The following NT5DC3 variants were observed in gnomAD, a reference collection of about 807,000 sequenced individuals.
NT5DC3 encodes the protein 5'-nucleotidase domain containing 3.
NT5DC3 carries 42 observed loss-of-function variants against 67.8 expected under a neutral mutation model. The observed-to-expected ratio is 0.62, with a 90% CI of 0.48 to 0.80. The LOEUF (loss-of-function observed/expected upper bound fraction) is 0.80, where lower values mean the gene tolerates loss of function less well. NT5DC3 is among the 30% of genes least tolerant of loss of function. The pLI is 0.00. For missense variants in NT5DC3, 570 were observed against 696.4 expected (o/e 0.82, Z 2.04); for synonymous variants, 237 against 255.6 (o/e 0.93, Z 0.69).
intron 1 of NT5DC3, among the ~76,000 whole-genome samples, chr12:103,835,044 CCT>C (rs1888087811): frequency 1.3e-5 from 2 of 152,116 alleles, no homozygotes; most frequent in Admixed American, 1.3e-4. Flanking sequence ...GCTTGCCTCC[CCT>C]GAGGTAGAAT....
At chr12:103,813,986 TC>T (rs1180831487) in intron 2 of NT5DC3, among the ~76,000 whole-genome samples, 1 of 152,168 alleles carries the variant, frequency 6.6e-6, no homozygotes, top group Non-Finnish European at 1.5e-5. Flanking sequence ...CTTCTTTGCT[TC>T]CCCAATTCCC....
Position 103,775,475 on chromosome 12 carries a change from T to A in NT5DC3, c.*2354A>T, listed in dbSNP as rs551929242. On this transcript the variant is annotated 3_prime_UTR_variant, in exon 14 of 14. Coordinates refer to ENST00000392876, the MANE Select transcript of NT5DC3 (RefSeq NM_001031701.3). ...TTAGATAAAAACCAAGAATTATTTT[T>A]AAGCAACACCTACTTCCTGAATCTG... 6.6e-6 allele frequency: 1 copy of A among 152,324 alleles called. No individual in the cohort carries two copies. Among genetic ancestry groups the A allele is most frequent in the Admixed American group, 6.5e-5 (1 of 15,298 alleles). The allele number at this position is 152,324 out of a possible 1,614,324, so 9.4% of individuals were successfully genotyped here. A position where few individuals can be genotyped will look rare whatever the true frequency, so the allele number is the denominator to read the frequency against.
intron 1 of NT5DC3, among the ~76,000 whole-genome samples, chr12:103,820,594 A>G (rs1887451427): frequency 6.6e-6 from 1 of 152,184 alleles, no homozygotes; most frequent in African/African-American, 2.4e-5. Context: ...CCCTTAGTAC[A>G]GGCCTAGAGC....
intron 9 of NT5DC3, among the ~76,000 whole-genome samples, chr12:103,790,906 G>T (rs995121931): frequency 3.4e-5 from 5 of 146,390 alleles, no homozygotes; most frequent in African/African-American, 1.3e-4. Flanking sequence ...AGCCAGGATG[G>T]TCTCCATCTC....
chr12:103,780,414 C>T (rs1866292), intron 12 of NT5DC3, 50 bp from the exon 13 acceptor site: 415,107 of 1,551,258 alleles, frequency 0.27, 59,042 homozygotes, highest in South Asian at 0.45. Context: ...CAAATAAGCT[C>T]ATTACGTAAT....
intron 1 of NT5DC3, among the ~76,000 whole-genome samples, chr12:103,837,024 C>T (rs561838342): frequency 5.3e-5 from 8 of 152,344 alleles, no homozygotes; most frequent in Non-Finnish European, 7.3e-5. Context: ...ATGAGGGCCC[C>T]GTCTCTGCAG....
At chr12:103,823,456 C>T (rs768552419) in intron 1 of NT5DC3, among the ~76,000 whole-genome samples, 6 of 152,154 alleles carry the variant, frequency 3.9e-5, no homozygotes, top group Admixed American at 3.3e-4. Context: ...CTCGAGGTCA[C>T]ATTTTAAATA....
At chr12:103,821,215 G>C (rs1411893219) in intron 1 of NT5DC3, among the ~76,000 whole-genome samples, 1 of 152,258 alleles carries the variant, frequency 6.6e-6, no homozygotes, top group Non-Finnish European at 1.5e-5. Flanking sequence ...CTCTGCAAGA[G>C]TGAGAAATAG....
chr12:103,780,717 T>C (rs1158014393), intron 12 of NT5DC3, among the ~76,000 whole-genome samples: 1 of 152,228 alleles, frequency 6.6e-6, no homozygotes, highest in Non-Finnish European at 1.5e-5. Context: ...GATACATCCA[T>C]TACACATATA....
downstream of NT5DC3, among the ~76,000 whole-genome samples, chr12:103,768,576 G>A (rs60646320): frequency 0.047 from 7 of 148 alleles, 1 homozygote; most frequent in South Asian, 0.17. Flanking sequence ...AGAGAGGGAG[G>A]GGGAGGGGGA....
At chr12:103,834,684 AAAAT>A (rs1468000923) in intron 1 of NT5DC3, among the ~76,000 whole-genome samples, 1 of 152,232 alleles carries the variant, frequency 6.6e-6, no homozygotes, top group Non-Finnish European at 1.5e-5. Context: ...GCTGATCTAA[AAAAT>A]AAAGTTTTTA....
At chr12:103,756,557 T>C in the NT5DC3 span, among the ~76,000 whole-genome samples, 2 of 152,314 alleles carry the variant, frequency 1.3e-5, no homozygotes, top group East Asian at 3.9e-4. Flanking sequence ...ATGAAGAAAC[T>C]GAGGCTTAGC....
Position 103,777,779 on chromosome 12 carries a change from T to C in NT5DC3, c.*50A>G. 1 of 1,564,046 alleles carries C rather than the reference T, an allele frequency of 6.4e-7. No homozygotes were observed. Among genetic ancestry groups the C allele is most frequent in the Non-Finnish European group, 8.6e-7 (1 of 1,157,574 alleles). On this transcript the variant is annotated 3_prime_UTR_variant, in exon 14 of 14. Coordinates refer to ENST00000392876, the MANE Select transcript of NT5DC3 (RefSeq NM_001031701.3). ...TCAGACCCACATGAAGTCAACCCCA[T>C]CATGCCTGCCCAATCAGGGGCAGTT...
At chr12:103,750,771 G>A in the NT5DC3 span, 2 of 1,562,696 alleles carry the variant, frequency 1.3e-6, no homozygotes, top group Middle Eastern at 1.7e-4. Context: ...TTCAGGCCTG[G>A]GGAAGGGACC....
At chr12:103,822,655 T>C (rs185679751) in intron 1 of NT5DC3, among the ~76,000 whole-genome samples, 64 of 152,324 alleles carry the variant, frequency 4.2e-4, no homozygotes, top group African/African-American at 1.4e-3. Context: ...GGGTGTTCTA[T>C]TCTTGTTTTG....
chr12:103,757,220 C>A, the NT5DC3 span, among the ~76,000 whole-genome samples: 1 of 151,714 alleles, frequency 6.6e-6, no homozygotes, highest in African/African-American at 2.4e-5. Flanking sequence ...TCCAGAGCAG[C>A]TGGGACTACA....
At chr12:103,760,194 G>A in the NT5DC3 span, among the ~76,000 whole-genome samples, 1 of 152,182 alleles carries the variant, frequency 6.6e-6, no homozygotes, top group East Asian at 1.9e-4. Context: ...AACCCTTCCT[G>A]CAACTGCCGT....
Position 103,778,036 on chromosome 12 carries a change from G to A in NT5DC3, c.1440C>T (p.Phe480=). 1 of 1,614,120 alleles carries A rather than the reference G, an allele frequency of 6.2e-7. No homozygotes were observed. Among genetic ancestry groups the A allele is most frequent in the Non-Finnish European group, 8.5e-7 (1 of 1,180,008 alleles). ...SFFNAQFGSL[F]RTDQNPTYFL... ...AGTAGGTTGGGTTCTGGTCTGTGCGGAACAGGCTTCCAAACTGGGCATTGA... is the reference window on the plus strand; with the variant it reads ...AGTAGGTTGGGTTCTGGTCTGTGCGAAACAGGCTTCCAAACTGGGCATTGA... Residue 480 remains phenylalanine (F), a synonymous_variant, in exon 14 of 14, where the codon TTC becomes TTT. Coordinates refer to ENST00000392876, the MANE Select transcript of NT5DC3 (RefSeq NM_001031701.3).
chr12:103,766,019 C>A, downstream of NT5DC3: 1 of 619,322 alleles, frequency 1.6e-6, no homozygotes, highest in Non-Finnish European at 3.0e-6. Flanking sequence ...TATATTATGA[C>A]CCTTTGTAGA....
Sources: gnomAD v4.1 joint callset for allele counts (sites outside exome capture counted in the v4.1 genomes callset) on GRCh38, gnomAD v4.1.1 for gene constraint, MANE v1.5 for transcripts, NCBI Gene and HGNC (gene_info 2026-07-23, HGNC 2026-07-21) for gene names.